Variants in C1QTNF3 observed in about 807,000 individuals in gnomAD.
C1QTNF3 encodes C1q and TNF related 3, also known as complement C1q tumor necrosis factor-related protein 3.
A neutral mutation model predicts 32.6 loss-of-function variants in C1QTNF3; 26 were observed. The observed-to-expected ratio is 0.80, with a 90% CI of 0.58 to 1.11. The LOEUF (loss-of-function observed/expected upper bound fraction) is 1.11, where lower values mean the gene tolerates loss of function less well. Among genes scored for constraint, C1QTNF3 ranks in the 50% least tolerant of loss-of-function variants. The pLI is 0.00. For synonymous variants in C1QTNF3, 155 were observed against 146.0 expected, an observed-to-expected ratio of 1.06 and a Z score of -0.44; for missense variants, 362 against 398.2, an observed-to-expected ratio of 0.91 and a Z score of 0.77.
chr5:34,126,677 G>A, the C1QTNF3 span, among the ~76,000 whole-genome samples: 3 of 148,806 alleles, frequency 2.0e-5, no homozygotes, highest in Non-Finnish European at 4.5e-5. Context: ...TAACAGCCAA[G>A]TTACGGAATC....
chr5:34,040,959 CTTAAT>C (rs992435996), intron 1 of C1QTNF3, among the ~76,000 whole-genome samples: 22 of 152,108 alleles, frequency 1.4e-4, no homozygotes, highest in African/African-American at 3.6e-4. Context: ...TTTAATTAAA[CTTAAT>C]TTAATTAACA....
At chr5:34,108,808 AT>A in the C1QTNF3 span, among the ~76,000 whole-genome samples, 2 of 147,210 alleles carry the variant, frequency 1.4e-5, no homozygotes, top group Non-Finnish European at 3.0e-5. Flanking sequence ...TCTGAAATAC[AT>A]TTTCTAAGTC....
At chr5:34,024,082 T>C in intron 4 of C1QTNF3, 74 bp from the exon 5 acceptor site, 2 of 1,117,526 alleles carry the variant, frequency 1.8e-6, no homozygotes, top group Non-Finnish European at 1.3e-6. Context: ...ACCTGGAGAT[T>C]TGCCAACTGC....
chr5:34,156,368 G>A, the C1QTNF3 span, among the ~76,000 whole-genome samples: 5 of 152,158 alleles, frequency 3.3e-5, no homozygotes, highest in Non-Finnish European at 7.3e-5. Context: ...ACTACGCCCG[G>A]CTTCCAAAAC....
At chr5:34,035,226 A>G (rs1276694611) in intron 2 of C1QTNF3, among the ~76,000 whole-genome samples, 1 of 152,192 alleles carries the variant, frequency 6.6e-6, no homozygotes, top group East Asian at 1.9e-4. Flanking sequence ...CTGGAGCCTA[A>G]AAATGTTTCC....
intron 1 of C1QTNF3, among the ~76,000 whole-genome samples, chr5:34,038,153 A>G (rs1481833773): frequency 6.6e-6 from 1 of 152,172 alleles, no homozygotes; most frequent in Non-Finnish European, 1.5e-5. Context: ...TTGGCTATTA[A>G]ATCAGAGGAT....
the C1QTNF3 span, among the ~76,000 whole-genome samples, chr5:34,204,388 T>C: frequency 2.0e-5 from 3 of 152,246 alleles, no homozygotes; most frequent in African/African-American, 7.2e-5. Flanking sequence ...CTGGCATATA[T>C]GCCCTATAGA....
the C1QTNF3 span, among the ~76,000 whole-genome samples, chr5:34,213,749 AT>A: frequency 8.1e-6 from 1 of 123,128 alleles, no homozygotes; most frequent in Admixed American, 8.7e-5. Flanking sequence ...TAGTGTGTGT[AT>A]ATATATATAC....
the C1QTNF3 span, among the ~76,000 whole-genome samples, chr5:34,174,754 T>G: frequency 2.6e-5 from 4 of 152,246 alleles, no homozygotes; most frequent in East Asian, 7.7e-4. Context: ...AAGACCCTTT[T>G]TTTTTGAGAA....
the C1QTNF3 span, among the ~76,000 whole-genome samples, chr5:34,243,919 G>C: frequency 6.6e-6 from 1 of 152,034 alleles, no homozygotes; most frequent in Non-Finnish European, 1.5e-5. Flanking sequence ...TGCACTATCT[G>C]TGTCTGAAAA....
chr5:34,130,706 C>A, the C1QTNF3 span, among the ~76,000 whole-genome samples: 5 of 152,256 alleles, frequency 3.3e-5, no homozygotes, highest in Admixed American at 2.0e-4. Flanking sequence ...CAACTAGAGG[C>A]CCTGTGGGCC....
the C1QTNF3 span, among the ~76,000 whole-genome samples, chr5:34,163,837 C>T: frequency 9.5e-4 from 145 of 152,218 alleles, no homozygotes; most frequent in Non-Finnish European, 1.3e-3. Context: ...AAACTTAAGA[C>T]ATGTTTATCT....
chr5:34,021,733 G>C (rs1170023666), intron 5 of C1QTNF3, among the ~76,000 whole-genome samples: 1 of 152,198 alleles, frequency 6.6e-6, no homozygotes, highest in Non-Finnish European at 1.5e-5. Flanking sequence ...ATGGACACAT[G>C]GAGGGGAACA....
At chr5:34,157,203 G>C in the C1QTNF3 span, among the ~76,000 whole-genome samples, 3 of 152,054 alleles carry the variant, frequency 2.0e-5, no homozygotes, top group African/African-American at 7.2e-5. Context: ...GATTACTCAC[G>C]GCCAAGACAT....
At chr5:34,128,231 T>C in the C1QTNF3 span, among the ~76,000 whole-genome samples, 7 of 152,188 alleles carry the variant, frequency 4.6e-5, no homozygotes, top group African/African-American at 9.6e-5. Flanking sequence ...AAGACAAGAA[T>C]TGAGGTTTAG....
At chr5:34,032,029 G>C (rs1375521870) in intron 3 of C1QTNF3, among the ~76,000 whole-genome samples, 1 of 152,160 alleles carries the variant, frequency 6.6e-6, no homozygotes, top group Non-Finnish European at 1.5e-5. Context: ...TTATAGTCTA[G>C]TTCTTCAAAA....
chr5:34,222,887 C>T, the C1QTNF3 span, among the ~76,000 whole-genome samples: 1 of 151,848 alleles, frequency 6.6e-6, no homozygotes, highest in South Asian at 2.1e-4. Flanking sequence ...AATGGAGTCT[C>T]ATTCAGTATA....
At chr5:34,131,878 C>G in the C1QTNF3 span, among the ~76,000 whole-genome samples, 2 of 151,410 alleles carry the variant, frequency 1.3e-5, no homozygotes, top group Non-Finnish European at 3.0e-5. Context: ...CACTACATAC[C>G]CCATAAATAT....
At chr5:34,138,866 A>G in the C1QTNF3 span, among the ~76,000 whole-genome samples, 9 of 152,224 alleles carry the variant, frequency 5.9e-5, no homozygotes, top group Non-Finnish European at 1.0e-4. Context: ...ATCACAACAC[A>G]CGCATCATAC....
Sources: gnomAD v4.1 joint callset for allele counts (sites outside exome capture counted in the v4.1 genomes callset) on GRCh38, gnomAD v4.1.1 for gene constraint, MANE v1.5 for transcripts, NCBI Gene and HGNC (gene_info 2026-07-23, HGNC 2026-07-21) for gene names.